Variants in MYO1E observed in about 807,000 individuals in gnomAD.
The protein encoded by MYO1E is unconventional myosin-Ie.
MYO1E carries 68 observed loss-of-function variants against 151.1 expected under a neutral mutation model. The observed-to-expected ratio is 0.45, with a 90% CI of 0.37 to 0.55. The LOEUF (loss-of-function observed/expected upper bound fraction) is 0.55, where lower values mean the gene tolerates loss of function less well. Among genes scored for constraint, MYO1E ranks in the 20% least tolerant of loss-of-function variants. The probability of loss-of-function intolerance (pLI) is 0.00; values close to 1 mark genes in which losing one functional copy is unlikely to be tolerated. For synonymous variants in MYO1E, 601 were observed against 501.7 expected (o/e 1.20, Z -2.64); for missense variants, 1,363 against 1,389.3 (o/e 0.98, Z 0.30).
At chr15:59,367,215 A>G (rs922092858) in intron 1 of MYO1E, among the ~76,000 whole-genome samples, 1 of 152,180 alleles carries the variant, frequency 6.6e-6, no homozygotes, top group Non-Finnish European at 1.5e-5. Flanking sequence ...GCAAGGTACT[A>G]TATGTTCTTT....
At chr15:59,299,568 G>A (rs1396646557) in intron 1 of MYO1E, among the ~76,000 whole-genome samples, 5 of 152,330 alleles carry the variant, frequency 3.3e-5, no homozygotes, top group Non-Finnish European at 7.4e-5. Context: ...CCACTGTGAA[G>A]AAATGGGCTT....
At chr15:59,173,615 T>A (rs1180609169) in intron 21 of MYO1E, 131 bp downstream of exon 21, 1 of 1,096,526 alleles carries the variant, frequency 9.1e-7, no homozygotes, top group Non-Finnish European at 1.4e-6. Context: ...ATCTTTTGGT[T>A]TACTGTATTT....
intron 1 of MYO1E, among the ~76,000 whole-genome samples, chr15:59,289,811 G>A (rs113860353): frequency 3.9e-5 from 6 of 152,298 alleles, no homozygotes; most frequent in African/African-American, 1.4e-4. Context: ...TGTCTGATGT[G>A]ATTATGGACA....
At chr15:59,142,920 C>CAAAAAAAAAA (rs10717979) in intron 26 of MYO1E, among the ~76,000 whole-genome samples, 1 of 87,234 alleles carries the variant, frequency 1.1e-5, no homozygotes, top group Non-Finnish European at 2.3e-5. Context: ...TAATTAGGTG[C>CAAAAAAAAAA]AAAAAAAAAA....
chr15:59,157,066 TA>T (rs56300582), intron 25 of MYO1E, among the ~76,000 whole-genome samples: 121 of 139,026 alleles, frequency 8.7e-4, no homozygotes, highest in Admixed American at 9.3e-4. Context: ...CTACAAAGAG[TA>T]AAAAAAAAAA....
At chr15:59,317,760 G>A (rs544880365) in intron 1 of MYO1E, among the ~76,000 whole-genome samples, 2 of 152,200 alleles carry the variant, frequency 1.3e-5, no homozygotes, top group African/African-American at 4.8e-5. Context: ...CTAAAGATGA[G>A]CAATGGAAGA....
chr15:59,221,891 C>G lies in MYO1E; in HGVS notation c.910+1168G>C, dbSNP rs191276570. ...CAGTCTACTTCAACAGAAACTACCA[C>G]CAAACCAACACTGTTACAATTAAAA... On this transcript the variant is annotated intron_variant, in intron 9 of 27. Coordinates refer to ENST00000288235, the MANE Select transcript of MYO1E (RefSeq NM_004998.4). 1.9e-3 allele frequency among the ~76,000 whole-genome samples: 282 copies of G among 152,280 alleles called. 1 individual carries two copies. Among genetic ancestry groups the G allele is most frequent in the African/African-American group, 6.4e-3 (266 of 41,550 alleles).
chr15:59,338,293 T>A (rs1388234075), intron 1 of MYO1E, among the ~76,000 whole-genome samples: 1 of 151,480 alleles, frequency 6.6e-6, no homozygotes, highest in Non-Finnish European at 1.5e-5. Flanking sequence ...ACTTTTTTTT[T>A]TTTTTTTTGC....
chr15:59,329,886 T>G (rs761211298), intron 1 of MYO1E, among the ~76,000 whole-genome samples: 1 of 152,192 alleles, frequency 6.6e-6, no homozygotes, highest in African/African-American at 2.4e-5. Flanking sequence ...AAACGAATAT[T>G]ATTCATGGAG....
intron 1 of MYO1E, among the ~76,000 whole-genome samples, chr15:59,318,845 G>A (rs149797303): frequency 8.1e-4 from 124 of 152,258 alleles, no homozygotes; most frequent in Non-Finnish European, 1.4e-3. Context: ...AAGATTACAC[G>A]AAGAGTAAAT....
At chr15:59,275,303 T>C (rs2080311735) in intron 1 of MYO1E, among the ~76,000 whole-genome samples, 1 of 152,180 alleles carries the variant, frequency 6.6e-6, no homozygotes, top group African/African-American at 2.4e-5. Context: ...CCTCTTAGCA[T>C]TAGAGACTAA....
At chr15:59,312,961 A>G (rs1175788194) in intron 1 of MYO1E, among the ~76,000 whole-genome samples, 2 of 151,842 alleles carry the variant, frequency 1.3e-5, no homozygotes, top group Admixed American at 6.5e-5. Context: ...GAGTCGCTTG[A>G]ACCCGGGAGG....
At chr15:59,167,258 T>G (rs748002674) in intron 22 of MYO1E, among the ~76,000 whole-genome samples, 1 of 152,096 alleles carries the variant, frequency 6.6e-6, no homozygotes, top group Non-Finnish European at 1.5e-5. Flanking sequence ...TGGAGATAAG[T>G]ACTGGAAAAT....
chr15:59,303,793 T>G (rs750635396), intron 1 of MYO1E, among the ~76,000 whole-genome samples: 3 of 152,002 alleles, frequency 2.0e-5, no homozygotes, highest in Non-Finnish European at 2.9e-5. Flanking sequence ...AAACCATTGC[T>G]CAAAAGCTAC....
Position 59,161,201 on chromosome 15 carries a change from C to T in MYO1E, c.2657G>A (p.Trp886Ter). ...TLELKLKKENWGPWSAGGSRQ... is the reference protein window; with the variant it reads ...TLELKLKKEN ...GGAGCCCCCTGCACTCCAGGGGCCC[C>T]AGTTTTCCTTTTTCAACTTCAGTTC... Residue 886 changes from tryptophan to a stop codon, truncating the protein, a stop_gained, in exon 24 of 28, where the codon TGG becomes TAG. Transcript: ENST00000288235. LOFTEE classifies it high-confidence loss of function. The T allele has an allele frequency of 6.2e-7, 1 of 1,613,932 alleles. No homozygotes were observed. Among genetic ancestry groups the T allele is most frequent in the African/African-American group, 1.3e-5 (1 of 75,018 alleles).
At chr15:59,361,254 G>A (rs1037952641) in intron 1 of MYO1E, among the ~76,000 whole-genome samples, 27 of 152,140 alleles carry the variant, frequency 1.8e-4, no homozygotes, top group Admixed American at 3.9e-4. Context: ...GAACTGCCAC[G>A]CCAGTGCACA....
intron 1 of MYO1E, among the ~76,000 whole-genome samples, chr15:59,329,435 T>C (rs1217810338): frequency 6.6e-6 from 1 of 152,158 alleles, no homozygotes; most frequent in Non-Finnish European, 1.5e-5. Context: ...CCAATAGCAA[T>C]CCTAAATGTG....
intron 1 of MYO1E, among the ~76,000 whole-genome samples, chr15:59,289,633 C>T (rs1453219335): frequency 6.6e-5 from 10 of 152,082 alleles, no homozygotes; most frequent in African/African-American, 2.2e-4. Context: ...ACAAGACAGA[C>T]AGAAAGGAAA....
chr15:59,172,188 C>A lies in MYO1E; in HGVS notation c.2335-146G>T, dbSNP rs529272459. On this transcript the variant is annotated intron_variant, in intron 21 of 27. Transcript: ENST00000288235. ...CCTGACCAACATGGTGAAACCCCGTCTCTACTGAAAATACAAAAATTAGCT... is the reference window on the plus strand; with the variant it reads ...CCTGACCAACATGGTGAAACCCCGTATCTACTGAAAATACAAAAATTAGCT... 3.1e-5 allele frequency: 28 copies of A among 918,006 alleles called. No individual in the cohort carries two copies. The African/African-American group carries it at 4.5e-4, about 15-fold the overall frequency. The allele number at this position is 918,006 out of a possible 1,614,324, so 56.9% of individuals were successfully genotyped here. A position where few individuals can be genotyped will look rare whatever the true frequency, so the allele number is the denominator to read the frequency against.
Sources: allele counts gnomAD v4.1 joint callset (sites outside exome capture counted in the v4.1 genomes callset), GRCh38; gene constraint gnomAD v4.1.1; transcripts MANE v1.5; gene names NCBI Gene and HGNC (gene_info 2026-07-23, HGNC 2026-07-21).